Variants in RYK observed in about 807,000 individuals in gnomAD.
The protein encoded by RYK is inactive tyrosine-protein kinase RYK.
RYK carries 21 observed loss-of-function variants against 70.2 expected under a neutral mutation model. That is an observed-to-expected ratio of 0.30 (90% CI 0.21 to 0.43). The LOEUF is 0.43. Among genes scored for constraint, RYK ranks in the 20% least tolerant of loss-of-function variants. The pLI is 1.00. For synonymous variants in RYK, 267 were observed against 278.0 expected, an observed-to-expected ratio of 0.96 and a Z score of 0.39; for missense variants, 604 against 753.3, an observed-to-expected ratio of 0.80 and a Z score of 2.32.
intron 1 of RYK, among the ~76,000 whole-genome samples, chr3:134,241,452 T>G (rs866460930): frequency 5.5e-4 from 83 of 152,164 alleles, no homozygotes; most frequent in African/African-American, 1.8e-3. Flanking sequence ...ACATCCTTAT[T>G]TTTTGTGCCA....
intron 1 of RYK, 92 bp downstream of exon 1, chr3:134,250,331 G>A (rs1012972770): frequency 1.5e-5 from 10 of 678,474 alleles, no homozygotes; most frequent in Admixed American, 9.4e-5. Flanking sequence ...GTACTCGCCC[G>A]AGGTCCACGG....
At chr3:134,199,886 G>A (rs1253402031) in intron 6 of RYK, among the ~76,000 whole-genome samples, 2 of 151,982 alleles carry the variant, frequency 1.3e-5, no homozygotes, top group African/African-American at 4.8e-5. Context: ...CTAAAGGTTT[G>A]TAAACGCACC....
intron 8 of RYK, 126 bp downstream of exon 8, chr3:134,191,723 C>A: frequency 2.9e-6 from 2 of 698,082 alleles, no homozygotes; most frequent in East Asian, 6.2e-5. Context: ...AAAGAAAAAC[C>A]ATACACTGCT....
chr3:134,213,184 G>A (rs1238478357), intron 2 of RYK, among the ~76,000 whole-genome samples: 2 of 152,124 alleles, frequency 1.3e-5, no homozygotes, highest in Non-Finnish European at 2.9e-5. Flanking sequence ...TCCCTACACC[G>A]ATGCTATCTC....
At chr3:134,193,152 A>C (rs2013698772) in intron 7 of RYK, among the ~76,000 whole-genome samples, 5 of 152,092 alleles carry the variant, frequency 3.3e-5, no homozygotes, top group Admixed American at 3.3e-4. Context: ...TGATGGCAAC[A>C]ATTTTTAAAA....
intron 1 of RYK, among the ~76,000 whole-genome samples, chr3:134,247,284 T>C (rs1039436748): frequency 6.6e-6 from 1 of 152,150 alleles, no homozygotes; most frequent in Non-Finnish European, 1.5e-5. Flanking sequence ...TCTACATTGA[T>C]TTAGAATGAC....
At chr3:134,240,812 A>C (rs1490912474) in intron 1 of RYK, among the ~76,000 whole-genome samples, 9 of 152,212 alleles carry the variant, frequency 5.9e-5, no homozygotes, top group Non-Finnish European at 2.9e-5. Context: ...GCTTTCACAA[A>C]AAAAGGCTGA....
At chr3:134,178,313 T>G in intron 10 of RYK, 1 of 362,244 alleles carries the variant, frequency 2.8e-6, no homozygotes, top group Non-Finnish European at 4.9e-6. Flanking sequence ...AAACTCAAAG[T>G]TGCTTCCTGT....
At chr3:134,240,025 A>C (rs2015282285) in intron 1 of RYK, among the ~76,000 whole-genome samples, 1 of 152,174 alleles carries the variant, frequency 6.6e-6, no homozygotes, top group Non-Finnish European at 1.5e-5. Flanking sequence ...CAGGGATAAG[A>C]GTGGATCCAG....
chr3:134,222,513 T>G lies in RYK; in HGVS notation c.259A>C (p.Arg87=). Residue 87 remains arginine (R), a synonymous_variant, in exon 2 of 15, where the codon AGA becomes CGA. Coordinates refer to ENST00000623711, the MANE Select transcript of RYK (RefSeq NM_002958.4). ...GCGTAGTGACTAATAAGGTCATTTC[T>G]CACATAATAAAGTTCTGCATCAAGA... ...IGLDAELYYV[R]NDLISHYALS... is the part of the protein sequence containing the mutation. 1 of 1,611,810 alleles carries G rather than the reference T, an allele frequency of 6.2e-7. No individual in the cohort carries two copies. The highest frequency in any genetic ancestry group is 1.7e-5 in the Admixed American group (1 of 59,878).
rs75459499 is a variant in RYK, at chr3:134,208,866, A to G, written c.589+829T>C. 3.2e-3 allele frequency among the ~76,000 whole-genome samples: 489 copies of G among 152,286 alleles called. 2 individuals are homozygous for G. The highest frequency in any genetic ancestry group is 0.011 in the African/African-American group (454 of 41,554). On this transcript the variant is annotated intron_variant, in intron 4 of 14. Coordinates refer to ENST00000623711, the MANE Select transcript of RYK (RefSeq NM_002958.4). The stretch of plus-strand genomic sequence containing the variant: ...TAGGGATTAAACAGGTGTAATACCT[A>G]TCAAGCACTTAGAACACAGTAAGCA...
chr3:134,213,641 C>T (rs2014465512), intron 2 of RYK, among the ~76,000 whole-genome samples: 1 of 152,188 alleles, frequency 6.6e-6, no homozygotes, highest in African/African-American at 2.4e-5. Flanking sequence ...TCTCCCACAA[C>T]CTGGCTTTCC....
At chr3:134,173,814 A>T (rs6800612) in intron 13 of RYK, among the ~76,000 whole-genome samples, 13,608 of 152,208 alleles carry the variant, frequency 0.089, 1,243 homozygotes, top group South Asian at 0.32. Context: ...AATTAAAGGA[A>T]TTTTCCCCTT....
At chr3:134,201,520 CGAGAGA>C (rs559052592) in intron 6 of RYK, among the ~76,000 whole-genome samples, 2 of 151,200 alleles carry the variant, frequency 1.3e-5, no homozygotes, top group African/African-American at 4.9e-5. Context: ...ATAACTGCTA[CGAGAGA>C]GAGAGAGACA....
chr3:134,203,091 A>G (rs538839117), intron 5 of RYK, among the ~76,000 whole-genome samples: 1 of 152,294 alleles, frequency 6.6e-6, no homozygotes, highest in South Asian at 2.1e-4. Context: ...TCACGCCTGT[A>G]ATCCCAGCAC....
chr3:134,210,461 TATG>T (rs1327404617), intron 3 of RYK, among the ~76,000 whole-genome samples: 1 of 152,226 alleles, frequency 6.6e-6, no homozygotes, highest in Non-Finnish European at 1.5e-5. Context: ...CTACCATCTG[TATG>T]ACTGCATTAA....
chr3:134,193,810 G>A (rs2013726348), intron 7 of RYK, among the ~76,000 whole-genome samples: 1 of 152,142 alleles, frequency 6.6e-6, no homozygotes, highest in Non-Finnish European at 1.5e-5. Flanking sequence ...CCTGGAAAAT[G>A]TTTGGCCTCT....
intron 13 of RYK, among the ~76,000 whole-genome samples, chr3:134,169,868 T>C (rs796739753): frequency 7.9e-5 from 12 of 152,226 alleles, no homozygotes; most frequent in African/African-American, 2.4e-4. Context: ...TGTCCAAAAA[T>C]AGAATATTAA....
Position 134,249,917 on chromosome 3 carries a change from G to GTTTTTTTTTT in RYK, c.232+496_232+505dup, listed in dbSNP as rs71624038. On this transcript the variant is annotated intron_variant, in intron 1 of 14. Transcript: ENST00000623711. ...TATAACCTCCCCTTCTTTCTCTCTCGTTTTTTTTTTTTTTTTTTTTTTTTT... is the reference window on the plus strand; with the variant it reads ...TATAACCTCCCCTTCTTTCTCTCTCGTTTTTTTTTTTTTTTTTTTTTTTTTTTTTTTTTTT... 1.6e-3 allele frequency among the ~76,000 whole-genome samples: 146 copies of GTTTTTTTTTT among 93,318 alleles called. 21 individuals carry two copies. Among genetic ancestry groups the GTTTTTTTTTT allele is most frequent in the African/African-American group, 7.4e-3 (140 of 18,888 alleles). 61.2% of individuals were successfully genotyped at this position (93,318 alleles called of 152,430 possible).
Sources: allele counts gnomAD v4.1 joint callset (sites outside exome capture counted in the v4.1 genomes callset), GRCh38; gene constraint gnomAD v4.1.1; transcripts MANE v1.5; gene names NCBI Gene and HGNC (gene_info 2026-07-23, HGNC 2026-07-21).